The following ARMH3 variants were observed in gnomAD, a reference collection of about 807,000 sequenced individuals.
ARMH3 encodes armadillo like helical domain containing 3, also known as armadillo-like helical domain-containing protein 3.
Under a neutral mutation model 99.1 loss-of-function variants are expected in ARMH3, and 60 were observed. The ratio of observed to expected loss-of-function variants is 0.61; its 90% CI spans 0.49 to 0.75. ARMH3 has a LOEUF of 0.75. Among genes scored for constraint, ARMH3 ranks in the 30% least tolerant of loss-of-function variants. The pLI is 0.00. For synonymous variants in ARMH3, 285 were observed against 292.8 expected, an observed-to-expected ratio of 0.97 and a Z score of 0.27; for missense variants, 679 against 843.1, an observed-to-expected ratio of 0.81 and a Z score of 2.41.
chr10:101,946,655 A>G (rs1255005482), intron 22 of ARMH3, among the ~76,000 whole-genome samples: 3 of 152,212 alleles, frequency 2.0e-5, no homozygotes, highest in African/African-American at 7.2e-5. Flanking sequence ...ACAGGGCCTC[A>G]GAAACATATG....
intron 22 of ARMH3, among the ~76,000 whole-genome samples, chr10:101,955,843 TC>T (rs1390896701): frequency 1.3e-5 from 2 of 152,216 alleles, no homozygotes; most frequent in Non-Finnish European, 2.9e-5. Flanking sequence ...TGTGATAGTT[TC>T]ACATACGTAC....
intron 20 of ARMH3, among the ~76,000 whole-genome samples, chr10:101,973,196 T>C (rs1845845083): frequency 1.3e-5 from 2 of 151,356 alleles, no homozygotes; most frequent in South Asian, 4.2e-4. Flanking sequence ...CCGTCTCTAC[T>C]AAAAATCCAA....
chr10:101,932,351 T>A (rs1439333644), intron 23 of ARMH3, among the ~76,000 whole-genome samples: 1 of 152,074 alleles, frequency 6.6e-6, no homozygotes, highest in Non-Finnish European at 1.5e-5. Flanking sequence ...CCACTTTGAG[T>A]GACAGTTACT....
chr10:101,924,243 G>GA (rs1157873054), intron 23 of ARMH3, among the ~76,000 whole-genome samples: 1 of 151,676 alleles, frequency 6.6e-6, no homozygotes, highest in Non-Finnish European at 1.5e-5. Context: ...AGTTTAAAAA[G>GA]AAAAAAGCGA....
chr10:101,942,797 C>A (rs891590385), intron 22 of ARMH3, among the ~76,000 whole-genome samples: 14 of 150,272 alleles, frequency 9.3e-5, no homozygotes, highest in African/African-American at 3.4e-4. Context: ...ACCCTGGAGG[C>A]ACAAGTTGCA....
chr10:102,020,217 T>C (rs2066849055), intron 8 of ARMH3, among the ~76,000 whole-genome samples: 1 of 151,968 alleles, frequency 6.6e-6, no homozygotes, highest in African/African-American at 2.4e-5. Context: ...AAATTTAACG[T>C]AGCCTAAGTA....
intron 12 of ARMH3, among the ~76,000 whole-genome samples, chr10:102,009,677 C>T (rs1025281600): frequency 2.0e-5 from 3 of 152,206 alleles, no homozygotes; most frequent in Admixed American, 6.5e-5. Flanking sequence ...TCATTATCTT[C>T]CCTCTGTTTT....
intron 22 of ARMH3, among the ~76,000 whole-genome samples, chr10:101,949,714 T>C (rs1844705402): frequency 6.6e-6 from 1 of 152,062 alleles, no homozygotes; most frequent in South Asian, 2.1e-4. Context: ...ACTTCCCAAT[T>C]CATATTATGA....
At chr10:102,030,559 A>C (rs1357854725) in intron 4 of ARMH3, among the ~76,000 whole-genome samples, 35 of 151,936 alleles carry the variant, frequency 2.3e-4, no homozygotes, top group Admixed American at 2.3e-3. Flanking sequence ...AAATACAAAA[A>C]ATTAGCCAAG....
intron 24 of ARMH3, among the ~76,000 whole-genome samples, chr10:101,851,704 T>A (rs2076576231): frequency 6.6e-6 from 1 of 152,192 alleles, no homozygotes; most frequent in Admixed American, 6.5e-5. Flanking sequence ...GGAAGGCTTG[T>A]GTCCCAATGG....
At position 101,914,401 on chromosome 10, in the gene ARMH3, T is replaced by C. The variant is rs531530894; in HGVS notation, c.1782-24911A>G. Among the ~76,000 whole-genome samples the C allele has an allele frequency of 1.9e-4, 29 of 150,688 alleles. No homozygotes were observed. The South Asian group carries it at 3.4e-3, about 18-fold the overall frequency. ...TACTCGGGAGGCTGAGGCAGGAGAA[T>C]TGTTTGAACTCAGGAGGCAGAGGTT... On this transcript the variant is annotated intron_variant, in intron 23 of 25. Coordinates refer to ENST00000370033, the MANE Select transcript of ARMH3 (RefSeq NM_024541.3).
At chr10:101,996,124 G>A (rs1210380064) in intron 15 of ARMH3, among the ~76,000 whole-genome samples, 1 of 152,224 alleles carries the variant, frequency 6.6e-6, no homozygotes, top group Non-Finnish European at 1.5e-5. Flanking sequence ...CCAAGTACGA[G>A]AACCCATCAA....
intron 19 of ARMH3, among the ~76,000 whole-genome samples, chr10:101,985,317 T>C (rs532590989): frequency 5.2e-4 from 77 of 148,674 alleles, no homozygotes; most frequent in South Asian, 4.0e-3. Context: ...TGTATATACA[T>C]ATATATATAC....
chr10:101,873,662 G>A (rs1251034236), intron 24 of ARMH3, among the ~76,000 whole-genome samples: 5 of 152,190 alleles, frequency 3.3e-5, no homozygotes, highest in South Asian at 2.1e-4. Context: ...CCCACCTGTA[G>A]CCCAAGCAAC....
At chr10:102,053,443 C>A (rs1328262822) in intron 1 of ARMH3, among the ~76,000 whole-genome samples, 2 of 151,970 alleles carry the variant, frequency 1.3e-5, no homozygotes, top group African/African-American at 4.8e-5. Context: ...CCATGTTGAG[C>A]CAGCTCGTCT....
rs1323992894 is a variant in ARMH3 at position 102,014,114 on chromosome 10, A to G, written c.670-90T>C. 9.1e-6 allele frequency: 9 copies of G among 986,290 alleles called. No homozygotes were observed. In the South Asian group the frequency reaches 1.2e-4, roughly 13 times the overall value. The allele number at this position is 986,290 out of a possible 1,614,324, so 61.1% of individuals were successfully genotyped here. A position where few individuals can be genotyped will look rare whatever the true frequency, so the allele number is the denominator to read the frequency against. ...TTAAAGTGTTAACAAAAATGCTTCC[A>G]TAAGGCCCTCTCTCTACAGTGATGC... is the stretch of plus-strand genomic sequence containing the variant. On this transcript the variant is annotated intron_variant, in intron 8 of 25. Transcript: ENST00000370033.
At chr10:101,996,206 T>C (rs1002883407) in intron 15 of ARMH3, among the ~76,000 whole-genome samples, 3 of 152,222 alleles carry the variant, frequency 2.0e-5, no homozygotes, top group Admixed American at 2.0e-4. Context: ...CATGCCAGCA[T>C]AGCCAAAACA....
chr10:101,946,061 G>A (rs1435396529), intron 22 of ARMH3, among the ~76,000 whole-genome samples: 9 of 73,402 alleles, frequency 1.2e-4, no homozygotes, highest in Non-Finnish European at 1.5e-4. Flanking sequence ...GACAGAGTAA[G>A]ACTCTGCCTC....
In ARMH3 at chr10:101,993,484, C is replaced by T. The variant is rs568279743; in HGVS notation, c.1275+54G>A. 139 of 1,368,278 alleles carry T rather than the reference C, an allele frequency of 1.0e-4. 1 individual carries two copies. In the South Asian group the frequency reaches 1.1e-3, roughly 11 times the overall value. 84.8% of individuals were successfully genotyped at this position (1,368,278 alleles called of 1,614,324 possible). ...AAGATCAATTTCATCCCAACCCTGC[C>T]GACATACAAAAAATTTCCTCTAAGA... On this transcript the variant is annotated intron_variant, in intron 17 of 25. Coordinates refer to ENST00000370033, the MANE Select transcript of ARMH3 (RefSeq NM_024541.3).
Sources: gnomAD v4.1 joint callset for allele counts (sites outside exome capture counted in the v4.1 genomes callset) on GRCh38, gnomAD v4.1.1 for gene constraint, MANE v1.5 for transcripts, NCBI Gene and HGNC (gene_info 2026-07-23, HGNC 2026-07-21) for gene names.